The following CACNG4 variants were observed in gnomAD, a reference collection of about 807,000 sequenced individuals.
CACNG4 encodes the protein voltage-dependent calcium channel gamma-4 subunit.
Under a neutral mutation model 22.9 loss-of-function variants are expected in CACNG4, and 8 were observed. That is an observed-to-expected ratio of 0.35 (90% CI 0.21 to 0.63). The LOEUF (loss-of-function observed/expected upper bound fraction) is 0.63. Among genes scored for constraint, CACNG4 ranks in the 30% least tolerant of loss-of-function variants. The pLI, the probability that CACNG4 is intolerant of heterozygous loss-of-function variation, is 0.72. For missense variants in CACNG4, 357 were observed against 455.4 expected (o/e 0.78, Z 1.97); for synonymous variants, 188 against 191.9 (o/e 0.98, Z 0.17).
intron 1 of CACNG4, among the ~76,000 whole-genome samples, chr17:66,977,325 G>A (rs1001058806): frequency 8.5e-5 from 13 of 152,210 alleles, no homozygotes; most frequent in African/African-American, 3.1e-4. Flanking sequence ...CCGCCCCACG[G>A]ATCCAGCCCG....
At chr17:66,995,384 C>T (rs977903851) in intron 1 of CACNG4, among the ~76,000 whole-genome samples, 2 of 152,078 alleles carry the variant, frequency 1.3e-5, no homozygotes, top group African/African-American at 2.4e-5. Context: ...TGAGGAAGGT[C>T]GGGCTCTTCA....
intron 1 of CACNG4, among the ~76,000 whole-genome samples, chr17:66,980,452 C>A (rs528351139): frequency 1.3e-5 from 2 of 152,014 alleles, no homozygotes; most frequent in Non-Finnish European, 2.9e-5. Context: ...TATGTGACTC[C>A]GATGAGGTTT....
chr17:66,989,909 G>GTCAGTGACTATTT (rs2035328687), intron 1 of CACNG4, among the ~76,000 whole-genome samples: 1 of 145,604 alleles, frequency 6.9e-6, no homozygotes, highest in South Asian at 2.1e-4. Context: ...TTCTTTCTGG[G>GTCAGTGACTATTT]TCAGTGACTA....
intron 2 of CACNG4, 105 bp from the exon 3 acceptor site, chr17:67,024,755 G>T (rs2035552722): frequency 8.1e-7 from 1 of 1,237,000 alleles, no homozygotes; most frequent in Non-Finnish European, 1.1e-6. Flanking sequence ...AAATCCTGGG[G>T]AAGGGCCTGG....
chr17:67,005,636 G>GT (rs1162114700), intron 1 of CACNG4, among the ~76,000 whole-genome samples: 36 of 152,210 alleles, frequency 2.4e-4, no homozygotes, highest in Non-Finnish European at 2.5e-4. Context: ...ACAGGCCTCG[G>GT]TCCCCGAGTG....
chr17:66,971,287 G>C (rs2035202942), intron 1 of CACNG4, among the ~76,000 whole-genome samples: 1 of 152,144 alleles, frequency 6.6e-6, no homozygotes, highest in African/African-American at 2.4e-5. Flanking sequence ...GAAGAGCCTT[G>C]AGGAGGGGTT....
rs182832752 is a variant in CACNG4 at position 67,006,104 on chromosome 17, G to C, written c.221-12085G>C. On this transcript the variant is annotated intron_variant, in intron 1 of 3. Transcript: ENST00000262138. ...ATTGAAATGTGTCCCTTTTCACAAG[G>C]CACTCCACCATGAGGGGCAGTGAGG... Among the ~76,000 whole-genome samples the C allele has an allele frequency of 1.2e-3, 187 of 152,274 alleles. 1 individual carries two copies. In the South Asian group the frequency reaches 0.015, roughly 12 times the overall value.
intron 1 of CACNG4, among the ~76,000 whole-genome samples, chr17:66,968,891 CTT>C (rs2035187788): frequency 6.6e-6 from 1 of 150,748 alleles, no homozygotes; most frequent in Non-Finnish European, 1.5e-5. Context: ...ATCTCTATCT[CTT>C]TCTCTTTTTT....
intron 1 of CACNG4, among the ~76,000 whole-genome samples, chr17:66,975,227 C>A (rs1450866906): frequency 1.3e-5 from 2 of 152,166 alleles, no homozygotes; most frequent in African/African-American, 4.8e-5. Flanking sequence ...CATCAGTCTC[C>A]CTGGCTCACC....
intron 1 of CACNG4, among the ~76,000 whole-genome samples, chr17:66,977,601 G>C (rs892514131): frequency 6.6e-6 from 1 of 152,194 alleles, no homozygotes; most frequent in Non-Finnish European, 1.5e-5. Flanking sequence ...TGATCAGAAC[G>C]ATTAAATGAG....
rs927243165 is a variant in CACNG4 at position 66,984,092 on chromosome 17, A to G, written c.220+18961A>G. ...AGATTATCTTCAGTAAAAATTAAAA[A>G]TAGTAGCCAGCTGCAATGGCTTGAA... is the stretch of plus-strand genomic sequence containing the variant. On this transcript the variant is annotated intron_variant, in intron 1 of 3. Coordinates refer to ENST00000262138, the MANE Select transcript of CACNG4 (RefSeq NM_014405.4). The surrounding 1 kb of genome is among the most constrained non-coding windows in gnomAD (Gnocchi z 4.0). Among the ~76,000 whole-genome samples, 4 of 152,226 alleles carry G rather than the reference A, an allele frequency of 2.6e-5. No homozygotes were observed. The highest frequency in any genetic ancestry group is 9.6e-5 in the African/African-American group (4 of 41,454).
At chr17:67,028,636 G>A (rs2035583334) in intron 3 of CACNG4, among the ~76,000 whole-genome samples, 1 of 152,176 alleles carries the variant, frequency 6.6e-6, no homozygotes, top group Admixed American at 6.5e-5. Flanking sequence ...GGGTGCTGTT[G>A]TGAGCACTTT....
At chr17:66,965,160 CCACACACACACACA>C in intron 1 of CACNG4, 29 bp downstream of exon 1, 3 of 844,366 alleles carry the variant, frequency 3.6e-6, no homozygotes, top group Non-Finnish European at 3.5e-6. Flanking sequence ...CCTCGCCGCC[CCACACACACACACA>C]CACACACACA....
At chr17:66,982,009 T>C (rs1193753892) in intron 1 of CACNG4, among the ~76,000 whole-genome samples, 1 of 152,210 alleles carries the variant, frequency 6.6e-6, no homozygotes, top group Non-Finnish European at 1.5e-5. Context: ...TCATAGTGTG[T>C]CCAGAGTTGA....
intron 1 of CACNG4, among the ~76,000 whole-genome samples, chr17:67,012,428 G>A (rs1026287015): frequency 6.6e-6 from 1 of 152,118 alleles, no homozygotes; most frequent in Non-Finnish European, 1.5e-5. Context: ...TGTATCTTGG[G>A]TGGCCATCCT....
chr17:66,996,379 C>CTTT (rs10585610), intron 1 of CACNG4, among the ~76,000 whole-genome samples: 2 of 129,106 alleles, frequency 1.5e-5, no homozygotes, highest in Non-Finnish European at 3.3e-5. Flanking sequence ...CAGTCCGATT[C>CTTT]TTTTTTTTTT....
At chr17:67,025,885 G>A (rs1436150308) in intron 3 of CACNG4, among the ~76,000 whole-genome samples, 1 of 150,916 alleles carries the variant, frequency 6.6e-6, no homozygotes, top group Non-Finnish European at 1.5e-5. Flanking sequence ...GCCGCCATTG[G>A]GGAGCCAAGG....
intron 3 of CACNG4, among the ~76,000 whole-genome samples, chr17:67,029,260 A>G (rs1161743165): frequency 6.6e-6 from 1 of 152,156 alleles, no homozygotes; most frequent in Non-Finnish European, 1.5e-5. Context: ...TGAACCCAGG[A>G]GGCGGAGGTT....
intron 1 of CACNG4, among the ~76,000 whole-genome samples, chr17:66,973,388 A>G (rs1455451759): frequency 6.6e-6 from 1 of 152,230 alleles, no homozygotes; most frequent in Admixed American, 6.5e-5. Flanking sequence ...GGCGTCCACC[A>G]TGGAGCTGAG....
Sources: allele counts gnomAD v4.1 joint callset (sites outside exome capture counted in the v4.1 genomes callset), GRCh38; gene constraint gnomAD v4.1.1; non-coding constraint Gnocchi (gnomAD v3.1); transcripts MANE v1.5; gene names NCBI Gene and HGNC (gene_info 2026-07-23, HGNC 2026-07-21).